HTR2C: variants seen among roughly 807,000 people sequenced by gnomAD.
HTR2C encodes the protein 5-hydroxytryptamine receptor 2C.
In HTR2C, 5 loss-of-function variants were observed where a neutral mutation model predicts 21.0. That is an observed-to-expected ratio of 0.24 (90% confidence interval 0.12 to 0.50). The LOEUF (loss-of-function observed/expected upper bound fraction) is 0.50, where lower values mean the gene tolerates loss of function less well. Ranked by LOEUF, HTR2C falls within the 20% of genes least tolerant of loss-of-function variation. The probability of loss-of-function intolerance (pLI) is 0.98; values close to 1 mark genes in which losing one functional copy is unlikely to be tolerated. For synonymous variants in HTR2C, 150 were observed against 145.3 expected (o/e 1.03, Z -0.23); for missense variants, 271 against 371.2 (o/e 0.73, Z 2.22).
At chrX:114,692,458 T>C (rs979267602) in intron 2 of HTR2C, among the ~76,000 whole-genome samples, 4 of 111,810 alleles carry the variant, frequency 3.6e-5, no homozygotes, top group Non-Finnish European at 7.5e-5. Flanking sequence ...TTATAACATA[T>C]AATTAGAAGA....
At chrX:114,813,357 T>C (rs1569496808) in intron 4 of HTR2C, among the ~76,000 whole-genome samples, 2 of 111,863 alleles carry the variant, frequency 1.8e-5, no homozygotes, top group African/African-American at 6.5e-5. Context: ...GACAGTTGAA[T>C]TCAAATTCAC....
intron 5 of HTR2C, among the ~76,000 whole-genome samples, chrX:114,865,730 T>C (rs1464564260): frequency 8.9e-6 from 1 of 112,046 alleles, no homozygotes; most frequent in Non-Finnish European, 1.9e-5. Context: ...ATTGTTTGAC[T>C]TCATATTATT....
chrX:114,720,257 G>A (rs1337856461), intron 2 of HTR2C, among the ~76,000 whole-genome samples: 1 of 111,142 alleles, frequency 9.0e-6, no homozygotes, highest in African/African-American at 3.3e-5. Flanking sequence ...ATGTATTACG[G>A]TAGTAAGGGG....
At chrX:114,604,062 A>G (rs1328521307) in intron 1 of HTR2C, among the ~76,000 whole-genome samples, 1 of 107,530 alleles carries the variant, frequency 9.3e-6, no homozygotes, top group Non-Finnish European at 1.9e-5. Context: ...TGAGTGGGGT[A>G]AGAGTGATTA....
At chrX:114,708,913 T>A (rs1322735096) in intron 2 of HTR2C, among the ~76,000 whole-genome samples, 1 of 111,924 alleles carries the variant, frequency 8.9e-6, no homozygotes, top group Non-Finnish European at 1.9e-5. Context: ...TGGCAAATCT[T>A]AAATGATAGT....
At chrX:114,870,430 T>C (rs782221997) in intron 5 of HTR2C, among the ~76,000 whole-genome samples, 17 of 111,606 alleles carry the variant, frequency 1.5e-4, no homozygotes, top group African/African-American at 5.5e-4. Flanking sequence ...CAGGATAATA[T>C]TGGCCTTGTA....
chrX:114,696,424 T>C (rs1221514691), intron 2 of HTR2C, among the ~76,000 whole-genome samples: 10 of 110,667 alleles, frequency 9.0e-5, no homozygotes, highest in Non-Finnish European at 1.9e-4. Flanking sequence ...AAAAAGAATA[T>C]GTGGAAGAAC....
chrX:114,844,245 A>G (rs1341397502), intron 4 of HTR2C, among the ~76,000 whole-genome samples: 1 of 111,957 alleles, frequency 8.9e-6, no homozygotes, highest in African/African-American at 3.2e-5. Context: ...AAAAAGGATG[A>G]AGATGTAAAG....
chrX:114,827,521 G>A lies in HTR2C; in HGVS notation c.350-20482G>A, dbSNP rs1303644979. Among the ~76,000 whole-genome samples the A allele has an allele frequency of 3.6e-5, 4 of 111,048 alleles. No homozygotes were observed. The South Asian group carries it at 1.1e-3, about 31-fold the overall frequency. On this transcript the variant is annotated intron_variant, in intron 4 of 5. Transcript: ENST00000276198. Reference sequence around the variant, plus strand: ...TATTATATTTTCTAAGATATTTACCGTTTCTGTTGTTCTTCCTTTGTTCCT... The same window carrying A: ...TATTATATTTTCTAAGATATTTACCATTTCTGTTGTTCTTCCTTTGTTCCT...
chrX:114,840,945 T>C (rs2070828212), intron 4 of HTR2C, among the ~76,000 whole-genome samples: 1 of 111,514 alleles, frequency 9.0e-6, no homozygotes, highest in South Asian at 3.8e-4. Context: ...AATGTTCACA[T>C]TAAAAGTAGA....
Position 114,664,550 on chromosome X carries a change from T to C in HTR2C, c.-80+50669T>C, listed in dbSNP as rs781822095. ...CCATGTCCCTGCCAAGAACATGATC[T>C]CATTCCTTTTTATGGCTTCATAGTA... On this transcript the variant is annotated intron_variant, in intron 2 of 5. Coordinates refer to ENST00000276198, the MANE Select transcript of HTR2C (RefSeq NM_000868.4). Among the ~76,000 whole-genome samples the C allele has an allele frequency of 2.7e-5, 3 of 112,341 alleles. No individual in the cohort carries two copies. The East Asian group carries it at 8.4e-4, about 32-fold the overall frequency.
At position 114,906,903 on chromosome X, in the gene HTR2C, A is replaced by C. The variant is rs781891174; in HGVS notation, c.865A>C (p.Arg289=). ...TAACCAAGACCAGAACGCACGCCGA[A>C]GAAAGAAGAAGGAGAGACGTCCTAG... ...NPNQDQNARR[R]KKKERRPRGT... is the part of the protein sequence containing the mutation. The change falls in exon 6 of 6, where the codon AGA becomes CGA. Residue 289 remains arginine, a synonymous_variant. Transcript: ENST00000276198. 1.7e-6 allele frequency: 2 copies of C among 1,211,242 alleles called. No homozygotes were observed. The highest frequency in any genetic ancestry group is 2.2e-6 in the Non-Finnish European group (2 of 895,467).
intron 2 of HTR2C, among the ~76,000 whole-genome samples, chrX:114,661,251 G>A (rs781935746): frequency 1.8e-3 from 203 of 111,144 alleles, no homozygotes; most frequent in African/African-American, 6.4e-3. Context: ...TCAGGAGATC[G>A]AGACCATCCT....
chrX:114,857,477 C>T (rs1473686380), intron 5 of HTR2C, among the ~76,000 whole-genome samples: 1 of 111,088 alleles, frequency 9.0e-6, no homozygotes, highest in Non-Finnish European at 1.9e-5. Flanking sequence ...TGGTATTTAT[C>T]TTTAATTCCC....
At chrX:114,595,511 C>T (rs1927803946) in intron 1 of HTR2C, among the ~76,000 whole-genome samples, 1 of 110,764 alleles carries the variant, frequency 9.0e-6, no homozygotes, top group African/African-American at 3.3e-5. Flanking sequence ...GCACGAACCA[C>T]CATGCTCGGC....
At chrX:114,772,415 A>G (rs2070013422) in intron 4 of HTR2C, among the ~76,000 whole-genome samples, 1 of 94,028 alleles carries the variant, frequency 1.1e-5, no homozygotes. Flanking sequence ...GTTTCCAACA[A>G]GGTTCACATT....
intron 4 of HTR2C, among the ~76,000 whole-genome samples, chrX:114,772,040 A>G (rs191444934): frequency 7.8e-4 from 88 of 112,344 alleles, no homozygotes; most frequent in African/African-American, 2.6e-3. Context: ...AGTGAAAACA[A>G]CATAGATCCC....
intron 2 of HTR2C, among the ~76,000 whole-genome samples, chrX:114,713,799 A>G (rs1214835211): frequency 2.7e-5 from 3 of 111,504 alleles, no homozygotes; most frequent in African/African-American, 9.8e-5. Context: ...TTATAATAAA[A>G]TGTGTGTAGT....
intron 2 of HTR2C, among the ~76,000 whole-genome samples, chrX:114,648,892 G>A (rs962449627): frequency 9.9e-5 from 11 of 111,492 alleles, no homozygotes; most frequent in African/African-American, 3.6e-4. Context: ...ATTAGCTCAG[G>A]AAAATTTTAG....
Sources: gnomAD v4.1 joint callset for allele counts (sites outside exome capture counted in the v4.1 genomes callset) on GRCh38, gnomAD v4.1.1 for gene constraint, MANE v1.5 for transcripts, NCBI Gene and HGNC (gene_info 2026-07-23, HGNC 2026-07-21) for gene names.